The following ALMS1 variants were observed in gnomAD, a reference collection of about 807,000 sequenced individuals.
ALMS1 encodes ALMS1 centrosome and basal body associated protein, also known as centrosome-associated protein ALMS1.
Under a neutral mutation model 352.2 loss-of-function variants are expected in ALMS1, and 271 were observed. The ratio of observed to expected loss-of-function variants is 0.77; its 90% CI spans 0.70 to 0.85. The LOEUF is 0.85. ALMS1 is among the 40% of genes least tolerant of loss of function. The pLI, the probability that ALMS1 is intolerant of heterozygous loss-of-function variation, is 0.00. For synonymous variants in ALMS1, 1,865 were observed against 1,761.2 expected, an observed-to-expected ratio of 1.06 and a Z score of -1.48; for missense variants, 5,445 against 4,870.7, an observed-to-expected ratio of 1.12 and a Z score of -3.51.
intron 7 of ALMS1, among the ~76,000 whole-genome samples, chr2:73,444,816 G>T (rs1333375977): frequency 6.6e-6 from 1 of 152,136 alleles, no homozygotes; most frequent in Admixed American, 6.6e-5. Context: ...GTTTAGTTAT[G>T]AGAGAATATA....
At position 73,493,419 on chromosome 2, in the gene ALMS1, A is replaced by T. The variant is rs574717170; in HGVS notation, c.9539+1921A>T. On this transcript the variant is annotated intron_variant, in intron 10 of 22. Transcript: ENST00000613296. ...ATATATAAGTAAATATATATATAAT[A>T]CCTTATAAAATATTTATAAAGGGCT... is the stretch of plus-strand genomic sequence containing the variant. 7.3e-5 allele frequency among the ~76,000 whole-genome samples: 11 copies of T among 151,302 alleles called. No individual in the cohort carries two copies. The East Asian group carries it at 1.9e-3, about 27-fold the overall frequency.
chr2:73,517,596 A>G (rs1673586767), intron 10 of ALMS1, among the ~76,000 whole-genome samples: 1 of 151,958 alleles, frequency 6.6e-6, no homozygotes, highest in Non-Finnish European at 1.5e-5. Flanking sequence ...CGTATAGTAG[A>G]GTTCCTTATA....
intron 9 of ALMS1, among the ~76,000 whole-genome samples, chr2:73,485,173 T>A (rs201210768): frequency 4.4e-3 from 569 of 128,150 alleles, no homozygotes; most frequent in South Asian, 8.2e-3. Flanking sequence ...GTTTCCAGTT[T>A]TTCTGCTCTG....
At chr2:73,458,325 T>C (rs751044395) in intron 9 of ALMS1, 1 of 152,150 alleles carries the variant, frequency 6.6e-6, no homozygotes, top group Non-Finnish European at 1.5e-5. Flanking sequence ...TTCACAGGTA[T>C]GTAATATCCC....
intron 9 of ALMS1, among the ~76,000 whole-genome samples, chr2:73,459,820 G>A (rs1672148176): frequency 6.6e-6 from 1 of 152,152 alleles, no homozygotes; most frequent in African/African-American, 2.4e-5. Flanking sequence ...CTTTTTAGCA[G>A]AGAGTGGCAT....
chr2:73,447,701 G>A (rs1671834273), intron 7 of ALMS1, among the ~76,000 whole-genome samples: 1 of 152,046 alleles, frequency 6.6e-6, no homozygotes, highest in Non-Finnish European at 1.5e-5. Flanking sequence ...AAAAATCCAA[G>A]TTGTAAGATC....
At position 73,453,130 on chromosome 2, in the gene ALMS1, T is replaced by A; in HGVS notation, c.6603T>A (p.His2201Gln). ...AGAATCACAAGCTTGTTTCAGAACA[T>A]GTCCAAAGGCTAATAGATAATTTGA... ...HGENHKLVSE[H>Q]VQRLIDNLNS... The change falls in exon 8 of 23, where the codon CAT becomes CAA. Residue 2201 changes from histidine (H) to glutamine (Q), a missense_variant. Coordinates refer to ENST00000613296, the MANE Select transcript of ALMS1 (RefSeq NM_001378454.1). 6.2e-7 allele frequency: 1 copy of A among 1,614,090 alleles called. No individual in the cohort carries two copies. The highest frequency in any genetic ancestry group is 8.5e-7 in the Non-Finnish European group (1 of 1,179,996).
At chr2:73,403,932 C>T (rs751471332) in intron 1 of ALMS1, among the ~76,000 whole-genome samples, 1 of 152,166 alleles carries the variant, frequency 6.6e-6, no homozygotes. Flanking sequence ...CAGAGTCTCA[C>T]TCTGTTGCCC....
intron 9 of ALMS1, among the ~76,000 whole-genome samples, chr2:73,475,631 T>A (rs1406664167): frequency 6.6e-6 from 1 of 152,108 alleles, no homozygotes; most frequent in East Asian, 1.9e-4. Context: ...TTAGCAGATT[T>A]ATGGACTTAC....
rs186735363 is a variant in ALMS1 at position 73,551,672 on chromosome 2, A to T, written c.10078+1235A>T. 9.9e-3 allele frequency among the ~76,000 whole-genome samples: 1,495 copies of T among 151,560 alleles called. 29 individuals are homozygous for T. Among genetic ancestry groups the T allele is most frequent in the African/African-American group, 0.034 (1,404 of 41,342 alleles). On this transcript the variant is annotated intron_variant, in intron 13 of 22. Transcript: ENST00000613296. ...GCTGGTCTTGAACTCCAGACCTCAG[A>T]TGATCTGCCTGCCTCGGCCTCCCAA...
At chr2:73,466,872 G>A (rs1389269044) in intron 9 of ALMS1, among the ~76,000 whole-genome samples, 1 of 152,070 alleles carries the variant, frequency 6.6e-6, no homozygotes, top group African/African-American at 2.4e-5. Context: ...GTTAGAAGCT[G>A]CATAAATGGA....
chr2:73,608,541 G>T lies in ALMS1; in HGVS notation c.12429G>T (p.Lys4143Asn). 6.2e-7 allele frequency: 1 copy of T among 1,614,082 alleles called. No individual in the cohort carries two copies. The change falls in exon 22 of 23, where the codon AAG (lysine) becomes AAT (asparagine). Residue 4143 changes from lysine (K) to asparagine (N), a missense_variant. Transcript: ENST00000613296. ...REEEKRKSEY[K>N]SYRLRAQLYK... ...AAGAGAAGAGAAAATCAGAATATAA[G>T]TCATACCGGCTGCGAGCCCAGCTAT...
chr2:73,477,409 C>T (rs752515975), intron 9 of ALMS1, among the ~76,000 whole-genome samples: 3 of 151,894 alleles, frequency 2.0e-5, no homozygotes, highest in Non-Finnish European at 2.9e-5. Flanking sequence ...GTTTTGACAT[C>T]GGAAAGAGTG....
intron 12 of ALMS1, among the ~76,000 whole-genome samples, chr2:73,544,648 A>G (rs562935014): frequency 5.9e-5 from 9 of 152,318 alleles, no homozygotes; most frequent in African/African-American, 1.4e-4. Context: ...CATTGTGGCT[A>G]TTCCTCAAAA....
intron 2 of ALMS1, among the ~76,000 whole-genome samples, chr2:73,409,957 C>T (rs1010656777): frequency 8.5e-5 from 13 of 152,212 alleles, no homozygotes; most frequent in African/African-American, 3.1e-4. Context: ...GGAAGACCAT[C>T]AGGCAGAGAG....
chr2:73,522,791 G>T (rs1010536226), intron 11 of ALMS1, among the ~76,000 whole-genome samples: 2 of 151,984 alleles, frequency 1.3e-5, no homozygotes, highest in Non-Finnish European at 2.9e-5. Context: ...TTAATTTCTT[G>T]ACTGGACTTT....
At chr2:73,484,694 C>T (rs539693965) in intron 9 of ALMS1, among the ~76,000 whole-genome samples, 357 of 152,012 alleles carry the variant, frequency 2.3e-3, no homozygotes, top group Non-Finnish European at 3.8e-3. Context: ...CCATTCTCCC[C>T]ATCACTTTCA....
At chr2:73,435,494 T>A (rs1200807648) in intron 7 of ALMS1, among the ~76,000 whole-genome samples, 1 of 152,070 alleles carries the variant, frequency 6.6e-6, no homozygotes, top group Non-Finnish European at 1.5e-5. Flanking sequence ...ACTAACTTAA[T>A]TCTAGTATGG....
At position 73,453,649 on chromosome 2, in the gene ALMS1, A is replaced by G. The variant is rs780149631; in HGVS notation, c.7122A>G (p.Leu2374=). 5.6e-6 allele frequency: 9 copies of G among 1,613,990 alleles called. No homozygotes were observed. Among genetic ancestry groups the G allele is most frequent in the African/African-American group, 2.7e-5 (2 of 74,928 alleles). The part of the protein sequence containing the change: ...QEAESKVSMA[L]EETLRQYQAA... ...CAGAGAGCAAAGTCAGTATGGCATT[A>G]GAAGAAACTCTTAGGCAATATCAAG... Residue 2374 remains leucine, a synonymous_variant, in exon 8 of 23, where the codon TTA becomes TTG. Coordinates refer to ENST00000613296, the MANE Select transcript of ALMS1 (RefSeq NM_001378454.1).
Sources: gnomAD v4.1 joint callset for allele counts (sites outside exome capture counted in the v4.1 genomes callset) on GRCh38, gnomAD v4.1.1 for gene constraint, MANE v1.5 for transcripts, NCBI Gene and HGNC (gene_info 2026-07-23, HGNC 2026-07-21) for gene names.